Variants in ZNF79 observed in about 807,000 individuals in gnomAD.
ZNF79 encodes the protein zinc finger protein 79.
ZNF79 carries 13 observed loss-of-function variants against 14.9 expected under a neutral mutation model. That is an observed-to-expected ratio of 0.87 (90% CI 0.57 to 1.38). The LOEUF is 1.38. ZNF79 is among the 40% of genes most tolerant of loss of function. The pLI is 0.00. For synonymous variants in ZNF79, 223 were observed against 235.1 expected, an observed-to-expected ratio of 0.95 and a Z score of 0.47; for missense variants, 631 against 630.6, an observed-to-expected ratio of 1.00 and a Z score of -0.01.
chr9:127,436,155 C>T, intron 4 of ZNF79, 152 bp downstream of exon 4: 3 of 667,826 alleles, frequency 4.5e-6, no homozygotes, highest in East Asian at 2.8e-5. Context: ...AAGGCTGGCT[C>T]ACTGGTTCAA....
At chr9:127,430,153 G>A (rs544743057) in intron 2 of ZNF79, among the ~76,000 whole-genome samples, 2 of 152,270 alleles carry the variant, frequency 1.3e-5, no homozygotes, top group African/African-American at 2.4e-5. Context: ...CAAAGTGGGT[G>A]TATTCTGCTC....
At chr9:127,434,723 A>G (rs897229747) in intron 2 of ZNF79, among the ~76,000 whole-genome samples, 1 of 152,128 alleles carries the variant, frequency 6.6e-6, no homozygotes, top group African/African-American at 2.4e-5. Flanking sequence ...ATCTCGGCTC[A>G]CTGCAACCTC....
intron 4 of ZNF79, 119 bp from the exon 5 acceptor site, chr9:127,443,900 CAAAAAAAAAA>C (rs34006666): frequency 1.4e-5 from 5 of 350,828 alleles, no homozygotes; most frequent in Admixed American, 7.0e-5. Flanking sequence ...GACTCCGTCT[CAAAAAAAAAA>C]AAAAAAAAAA....
chr9:127,432,209 G>A (rs1227819352), intron 2 of ZNF79, among the ~76,000 whole-genome samples: 1 of 146,022 alleles, frequency 6.8e-6, no homozygotes, highest in East Asian at 2.0e-4. Context: ...GTGCAGTGGC[G>A]CGATGTCGGC....
chr9:127,444,044 C>G lies in ZNF79; in HGVS notation c.344C>G (p.Ser115Cys). Residue 115 changes from serine (S) to cysteine (C), a missense_variant, in exon 5 of 5, where the codon TCT (serine) becomes TGT (cysteine). By Grantham distance (112) the Ser-to-Cys change is moderately radical. Coordinates refer to ENST00000342483, the MANE Select transcript of ZNF79 (RefSeq NM_007135.3). The stretch of plus-strand genomic sequence containing the variant: ...TTTTTTTCAGGCTGGAAGATTATAT[C>G]TGGATCACCACCAGAGCAAGCCCTT... The part of the protein sequence containing the change: ...RSPSPGWKII[S>C]GSPPEQALSE... 1.3e-6 allele frequency: 2 copies of G among 1,587,954 alleles called. No homozygotes were observed. The highest frequency in any genetic ancestry group is 1.7e-6 in the Non-Finnish European group (2 of 1,166,802).
intron 4 of ZNF79, among the ~76,000 whole-genome samples, chr9:127,439,180 TAC>T (rs35455038): frequency 0.11 from 4,154 of 37,018 alleles, 155 homozygotes; most frequent in African/African-American, 0.22. Flanking sequence ...GTGGGTGAAA[TAC>T]ACACACACAC....
chr9:127,439,229 C>T (rs527843357), intron 4 of ZNF79, among the ~76,000 whole-genome samples: 1 of 151,850 alleles, frequency 6.6e-6, no homozygotes, highest in South Asian at 2.1e-4. Flanking sequence ...CACATATACA[C>T]GTATATCTCA....
chr9:127,430,853 C>T (rs573955887), intron 2 of ZNF79, among the ~76,000 whole-genome samples: 1 of 152,200 alleles, frequency 6.6e-6, no homozygotes, highest in African/African-American at 2.4e-5. Context: ...AATCTCCAAA[C>T]TGTTTTTCCG....
chr9:127,430,674 C>T (rs1833844352), intron 2 of ZNF79, among the ~76,000 whole-genome samples: 1 of 152,188 alleles, frequency 6.6e-6, no homozygotes, highest in Non-Finnish European at 1.5e-5. Context: ...ATCTAGACCA[C>T]CATTGGCAGG....
At chr9:127,428,374 T>G (rs946608954) in intron 1 of ZNF79, among the ~76,000 whole-genome samples, 1 of 152,210 alleles carries the variant, frequency 6.6e-6, no homozygotes, top group African/African-American at 2.4e-5. Context: ...CCTCTTCTTT[T>G]CATTTAAGCA....
rs1466576248 is a variant in ZNF79 at position 127,445,280 on chromosome 9, T to C, written c.*83T>C. On this transcript the variant is annotated 3_prime_UTR_variant, in exon 5 of 5. Transcript: ENST00000342483. ...TGAGGATCTGAGAAATGCTAAAGGCTTGAAAGCATCTGAAGACATCTAACT... is the reference window on the plus strand; with the variant it reads ...TGAGGATCTGAGAAATGCTAAAGGCCTGAAAGCATCTGAAGACATCTAACT... The C allele has an allele frequency of 1.0e-5, 15 of 1,464,986 alleles. No homozygotes were observed. The highest frequency in any genetic ancestry group is 1.3e-5 in the Non-Finnish European group (14 of 1,079,464). 90.7% of individuals were successfully genotyped at this position (1,464,986 alleles called of 1,614,324 possible).
Position 127,444,134 on chromosome 9 carries a change from G to C in ZNF79, c.434G>C (p.Ser145Thr). The stretch of plus-strand genomic sequence containing the variant: ...CCTGGGGATTCAGACCACGGGACCA[G>C]TGACCTTGAGAAGAGCTTCAATCTG... Reference protein sequence around the residue: ...MPPGDSDHGTSDLEKSFNLRP... With the variant: ...MPPGDSDHGTTDLEKSFNLRP... The change falls in exon 5 of 5, where the codon AGT (serine) becomes ACT (threonine). Residue 145 changes from serine (S) to threonine (T), a missense_variant. Coordinates refer to ENST00000342483, the MANE Select transcript of ZNF79 (RefSeq NM_007135.3). 1.2e-6 allele frequency: 2 copies of C among 1,613,590 alleles called. No individual in the cohort carries two copies. The highest frequency in any genetic ancestry group is 1.7e-6 in the Non-Finnish European group (2 of 1,180,026).
At chr9:127,443,863 T>G (rs1834094695) in intron 4 of ZNF79, among the ~76,000 whole-genome samples, 166 bp from the exon 5 acceptor site, 1 of 136,328 alleles carries the variant, frequency 7.3e-6, no homozygotes, top group South Asian at 2.3e-4. Context: ...ATCGTGCCAC[T>G]GCACTCCAGC....
At chr9:127,443,214 G>A (rs1341348132) in intron 4 of ZNF79, among the ~76,000 whole-genome samples, 1 of 152,130 alleles carries the variant, frequency 6.6e-6, no homozygotes, top group Non-Finnish European at 1.5e-5. Flanking sequence ...GCTGAGGCAG[G>A]AGGGTCGCTT....
chr9:127,431,068 C>T (rs1351098921), intron 2 of ZNF79, among the ~76,000 whole-genome samples: 1 of 152,054 alleles, frequency 6.6e-6, no homozygotes, highest in Non-Finnish European at 1.5e-5. Context: ...TTTTTGGCCA[C>T]TTGTATGTCT....
chr9:127,432,830 G>A (rs1833884847), intron 2 of ZNF79, among the ~76,000 whole-genome samples: 2 of 152,030 alleles, frequency 1.3e-5, no homozygotes, highest in Admixed American at 1.3e-4. Context: ...ATTTCCTGCA[G>A]CTTTTTCTTT....
chr9:127,431,816 A>G (rs1366033441), intron 2 of ZNF79, among the ~76,000 whole-genome samples: 1 of 152,212 alleles, frequency 6.6e-6, no homozygotes, highest in Non-Finnish European at 1.5e-5. Flanking sequence ...CAGCTATCCC[A>G]GCATCATTGA....
chr9:127,424,884 T>A, intron 1 of ZNF79, 81 bp downstream of exon 1: 3 of 1,598,750 alleles, frequency 1.9e-6, no homozygotes, highest in Non-Finnish European at 2.6e-6. Context: ...GTGAGCCGAA[T>A]CAGAACTCTC....
At position 127,424,720 on chromosome 9, in the gene ZNF79, G is replaced by A. The variant is rs1426790696; in HGVS notation, c.-68G>A. ...AGAGCAGCCCTGCAGAACGGGGTGG[G>A]GGCTGCTGTAGATAGACCCTTACGC... On this transcript the variant is annotated 5_prime_UTR_variant, in exon 1 of 5. Transcript: ENST00000342483. The A allele has an allele frequency of 6.2e-7, 1 of 1,611,448 alleles. No homozygotes were observed.
Sources: allele counts gnomAD v4.1 joint callset (sites outside exome capture counted in the v4.1 genomes callset), GRCh38; gene constraint gnomAD v4.1.1; transcripts MANE v1.5; gene names NCBI Gene and HGNC (gene_info 2026-07-23, HGNC 2026-07-21).